Variants in TMEM245 observed in about 807,000 individuals in gnomAD.
The protein encoded by TMEM245 is protein CG-2.
Under a neutral mutation model 101.2 loss-of-function variants are expected in TMEM245, and 69 were observed. That is an observed-to-expected ratio of 0.68 (90% CI 0.56 to 0.83). The LOEUF is 0.83. TMEM245 is among the 40% of genes least tolerant of loss of function. TMEM245 has a pLI of 0.00. For missense variants in TMEM245, 1,075 were observed against 1,092.8 expected (o/e 0.98, Z 0.23); for synonymous variants, 537 against 449.8 (o/e 1.19, Z -2.45).
intron 8 of TMEM245, among the ~76,000 whole-genome samples, chr9:109,076,103 T>A (rs183999779): frequency 1.3e-3 from 200 of 152,298 alleles, no homozygotes; most frequent in African/African-American, 4.7e-3. Context: ...GGTTTAGAAG[T>A]ATGTTGCTTA....
chr9:109,108,601 T>C, intron 1 of TMEM245, 31 bp from the exon 2 acceptor site: 1 of 1,471,646 alleles, frequency 6.8e-7, no homozygotes, highest in Non-Finnish European at 9.4e-7. Flanking sequence ...AGCTGTAAAA[T>C]CTATACACGT....
chr9:109,039,745 T>G (rs1828246990), intron 14 of TMEM245, among the ~76,000 whole-genome samples: 1 of 151,986 alleles, frequency 6.6e-6, no homozygotes, highest in Admixed American at 6.6e-5. Flanking sequence ...TGAAATCATT[T>G]CCGTAGTAGG....
intron 12 of TMEM245, among the ~76,000 whole-genome samples, chr9:109,054,873 G>A (rs1376307777): frequency 6.6e-6 from 1 of 152,114 alleles, no homozygotes; most frequent in African/African-American, 2.4e-5. Flanking sequence ...GAATCACTGG[G>A]AGAATTAAAT....
chr9:109,049,305 C>G (rs1453726053), intron 14 of TMEM245, among the ~76,000 whole-genome samples: 1 of 152,202 alleles, frequency 6.6e-6, no homozygotes, highest in African/African-American at 2.4e-5. Flanking sequence ...CTCCATCTTC[C>G]AGGCTCAAGC....
At chr9:109,087,375 A>C in intron 5 of TMEM245, 33 bp from the exon 6 acceptor site, 1 of 1,537,222 alleles carries the variant, frequency 6.5e-7, no homozygotes, top group Non-Finnish European at 8.7e-7. Context: ...TATATAAACA[A>C]AATATAGATT....
Position 109,094,098 on chromosome 9 carries a change from G to A in TMEM245, c.800-507C>T, listed in dbSNP as rs80273498. On this transcript the variant is annotated intron_variant, in intron 3 of 17. Coordinates refer to ENST00000374586, the MANE Select transcript of TMEM245 (RefSeq NM_032012.4). ...TTTATAAATTACATAACTCAGTACA[G>A]GCAAAATCCACCACTTGAAAATCTA... Among the ~76,000 whole-genome samples, 1,347 of 152,226 alleles carry A rather than the reference G, an allele frequency of 8.8e-3. 5 individuals are homozygous for A. Among genetic ancestry groups the A allele is most frequent in the Middle Eastern group, 0.02 (6 of 294 alleles).
intron 17 of TMEM245, among the ~76,000 whole-genome samples, chr9:109,021,246 G>A (rs1356760720): frequency 1.3e-5 from 2 of 152,094 alleles, no homozygotes; most frequent in Admixed American, 6.5e-5. Flanking sequence ...ATCTGTGCTG[G>A]CAGCCAAATG....
chr9:109,060,564 C>T, intron 10 of TMEM245, 112 bp from the exon 11 acceptor site: 1 of 661,236 alleles, frequency 1.5e-6, no homozygotes, highest in South Asian at 2.1e-5. Flanking sequence ...ATGTTCCAGA[C>T]TATTTATCTC....
chr9:109,050,831 TA>T (rs199816612), intron 12 of TMEM245, 139 bp from the exon 13 acceptor site: 23,716 of 749,206 alleles, frequency 0.032, no homozygotes, highest in South Asian at 0.042. Context: ...AAATGAAAAT[TA>T]AAAAAAAAAA....
At position 109,076,235 on chromosome 9, in the gene TMEM245, G is replaced by A. The variant is rs544975488; in HGVS notation, c.1450-2797C>T. On this transcript the variant is annotated intron_variant, in intron 8 of 17. Coordinates refer to ENST00000374586, the MANE Select transcript of TMEM245 (RefSeq NM_032012.4). ...ATGATGAGTTCATGTCCTTTGTAGG[G>A]ACATGGATGAAGCTGGAAACCATTC... Among the ~76,000 whole-genome samples the A allele has an allele frequency of 1.8e-4, 16 of 88,976 alleles. No homozygotes were observed. In the South Asian group the frequency reaches 7.2e-3, roughly 40 times the overall value. 58.4% of individuals were successfully genotyped at this position (88,976 alleles called of 152,430 possible).
At chr9:109,110,607 G>A (rs1011178867) in intron 1 of TMEM245, among the ~76,000 whole-genome samples, 3 of 152,046 alleles carry the variant, frequency 2.0e-5, no homozygotes, top group African/African-American at 4.8e-5. Flanking sequence ...GTCTTCAGAG[G>A]TACGTCAGTT....
chr9:109,033,316 T>C lies in TMEM245; in HGVS notation c.2585A>G (p.Gln862Arg), dbSNP rs2132311463. 1 of 1,608,440 alleles carries C rather than the reference T, an allele frequency of 6.2e-7. No individual in the cohort carries two copies. The highest frequency in any genetic ancestry group is 2.2e-5 in the East Asian group (1 of 44,840). ...PTPNQTPWPA[Q>R]PQRTFRDISE... ...TTCTGCTTTAACTCACCGCTGAGGC[T>C]GAGCAGGCCATGGGGTCTGGTTTGG... The change falls in exon 17 of 18, where the codon CAG (glutamine) becomes CGG (arginine). Residue 862 changes from glutamine (Q) to arginine (R), a missense_variant. This residue lies in a region of TMEM245 where 267 missense variants were observed against 351.3 expected (regional missense o/e 0.76). Transcript: ENST00000374586.
intron 3 of TMEM245, among the ~76,000 whole-genome samples, chr9:109,095,938 C>T: frequency 6.6e-6 from 1 of 152,098 alleles, no homozygotes; most frequent in East Asian, 1.9e-4. Context: ...AAAGTTGTTG[C>T]AGTACTATAG....
chr9:109,030,155 G>A (rs1440304813), intron 17 of TMEM245, among the ~76,000 whole-genome samples: 2 of 152,090 alleles, frequency 1.3e-5, no homozygotes, highest in South Asian at 2.1e-4. Flanking sequence ...AAATAAATAC[G>A]TCACTTCAAG....
intron 8 of TMEM245, among the ~76,000 whole-genome samples, chr9:109,076,696 C>T (rs1036888711): frequency 6.6e-6 from 1 of 151,988 alleles, no homozygotes; most frequent in South Asian, 2.1e-4. Context: ...TCAGGAAATG[C>T]TTTTTTTGTT....
rs1827419929 is a variant in TMEM245 at position 109,015,675 on chromosome 9, A to G, written c.*4785T>C. 1 of 152,660 alleles carries G rather than the reference A, an allele frequency of 6.6e-6. No individual in the cohort carries two copies. Among genetic ancestry groups the G allele is most frequent in the Admixed American group, 6.5e-5 (1 of 15,286 alleles). 9.5% of individuals were successfully genotyped at this position (152,660 alleles called of 1,614,324 possible). A position where few individuals can be genotyped will look rare whatever the true frequency, so the allele number is the denominator to read the frequency against. ...AGTTCTGCAACTAAATTCTGGCTCC[A>G]TCATTTTGTGGTATAAACTTAGGGG... On this transcript the variant is annotated 3_prime_UTR_variant, in exon 18 of 18. Transcript: ENST00000374586.
rs567062360 is a variant in TMEM245 at position 109,107,412 on chromosome 9, A to G, written c.698-803T>C. ...AGACTCTGTCTCAAAAAAAAAAAAAAAAAAAGTTCACAAGTCACCAAGAAA... is the reference window on the plus strand; with the variant it reads ...AGACTCTGTCTCAAAAAAAAAAAAAGAAAAAGTTCACAAGTCACCAAGAAA... On this transcript the variant is annotated intron_variant, in intron 2 of 17. Coordinates refer to ENST00000374586, the MANE Select transcript of TMEM245 (RefSeq NM_032012.4). Among the ~76,000 whole-genome samples the G allele has an allele frequency of 1.6e-3, 241 of 150,572 alleles. 1 individual carries two copies. The highest frequency in any genetic ancestry group is 0.012 in the South Asian group (58 of 4,686).
At chr9:109,029,388 A>G (rs928605750) in intron 17 of TMEM245, among the ~76,000 whole-genome samples, 4 of 152,234 alleles carry the variant, frequency 2.6e-5, no homozygotes, top group African/African-American at 9.6e-5. Flanking sequence ...AAAAGATCTT[A>G]TATGTCTTCA....
intron 12 of TMEM245, among the ~76,000 whole-genome samples, chr9:109,051,344 T>TTGTAGA (rs1828678995): frequency 8.8e-6 from 1 of 113,434 alleles, no homozygotes; most frequent in South Asian, 2.7e-4. Flanking sequence ...ACACACATCA[T>TTGTAGA]TGTAGATTAT....
Sources: allele counts gnomAD v4.1 joint callset (sites outside exome capture counted in the v4.1 genomes callset), GRCh38; gene constraint gnomAD v4.1.1; regional missense constraint gnomAD v4.1.1; transcripts MANE v1.5; gene names NCBI Gene and HGNC (gene_info 2026-07-23, HGNC 2026-07-21).